DNAH6: variants seen among roughly 807,000 people sequenced by gnomAD.
DNAH6 encodes the protein axonemal beta dynein heavy chain 6.
In DNAH6, 340 loss-of-function variants were observed where a neutral mutation model predicts 491.4. That is an observed-to-expected ratio of 0.69 (90% CI 0.63 to 0.76). DNAH6 has a LOEUF of 0.76. Ranked by LOEUF, DNAH6 falls within the 30% of genes least tolerant of loss-of-function variation. DNAH6 has a pLI of 0.00. For synonymous variants in DNAH6, 1,603 were observed against 1,686.1 expected, an observed-to-expected ratio of 0.95 and a Z score of 1.21; for missense variants, 4,443 against 4,972.2, an observed-to-expected ratio of 0.89 and a Z score of 3.20.
At chr2:84,661,011 T>G (rs1181124783) in intron 37 of DNAH6, among the ~76,000 whole-genome samples, 7 of 152,138 alleles carry the variant, frequency 4.6e-5, no homozygotes, top group African/African-American at 1.7e-4. Flanking sequence ...GAATATAGAA[T>G]GTAAATTAAA....
rs111327338 is a variant in DNAH6, at chr2:84,694,827, C to T, written c.7524+347C>T. Among the ~76,000 whole-genome samples the T allele has an allele frequency of 4.4e-3, 669 of 152,200 alleles. 4 individuals are homozygous for T. Among genetic ancestry groups the T allele is most frequent in the Non-Finnish European group, 8.1e-3 (550 of 67,992 alleles). Reference sequence around the variant, plus strand: ...AATTAGGGAAACATGACTTTACCTACAGAAAGGAAAAAGTAAGGGCTATCT... The same window carrying T: ...AATTAGGGAAACATGACTTTACCTATAGAAAGGAAAAAGTAAGGGCTATCT... On this transcript the variant is annotated intron_variant, in intron 46 of 76. Transcript: ENST00000389394.
chr2:84,694,587 T>C, intron 46 of DNAH6, 107 bp downstream of exon 46: 2 of 728,782 alleles, frequency 2.7e-6, no homozygotes, highest in East Asian at 2.8e-5. Flanking sequence ...GATTGTTCCC[T>C]TTGATAACAG....
rs369071494 is a variant in DNAH6 at position 84,562,754 on chromosome 2, G to C, written c.1803+4819G>C. On this transcript the variant is annotated intron_variant, in intron 11 of 76. Transcript: ENST00000389394. ...GAGGCACTTAATTCCTCCAGCAGTG[G>C]ATTTTGACAACACAAGTGAAATATC... 6.6e-5 allele frequency among the ~76,000 whole-genome samples: 10 copies of C among 152,286 alleles called. No homozygotes were observed. In the East Asian group the frequency reaches 1.4e-3, roughly 21 times the overall value.
intron 70 of DNAH6, among the ~76,000 whole-genome samples, chr2:84,804,457 C>T (rs778429551): frequency 6.6e-6 from 1 of 151,886 alleles, no homozygotes; most frequent in Non-Finnish European, 1.5e-5. Flanking sequence ...CACATATATA[C>T]AGAAAGTGTC....
At chr2:84,779,103 A>T (rs1676427502) in intron 64 of DNAH6, among the ~76,000 whole-genome samples, 1 of 152,176 alleles carries the variant, frequency 6.6e-6, no homozygotes, top group Non-Finnish European at 1.5e-5. Context: ...GATGAAAAAA[A>T]TGTATATTCT....
chr2:84,609,004 A>C (rs560335457), intron 21 of DNAH6, among the ~76,000 whole-genome samples: 1 of 152,304 alleles, frequency 6.6e-6, no homozygotes, highest in African/African-American at 2.4e-5. Context: ...TTTATGTTAC[A>C]GTGATAGCTT....
At chr2:84,518,110 T>C (rs1015981979) in intron 2 of DNAH6, 59 bp downstream of exon 2, 4 of 1,344,148 alleles carry the variant, frequency 3.0e-6, no homozygotes, top group Non-Finnish European at 4.0e-6. Flanking sequence ...GTAAAATTGC[T>C]TTGGAGGATA....
At chr2:84,719,038 A>G (rs1381395577) in intron 59 of DNAH6, among the ~76,000 whole-genome samples, 1 of 152,256 alleles carries the variant, frequency 6.6e-6, no homozygotes, top group Non-Finnish European at 1.5e-5. Flanking sequence ...ACTAAGAACA[A>G]ATGATTTTCA....
At chr2:84,763,311 A>G (rs1035103694) in intron 64 of DNAH6, among the ~76,000 whole-genome samples, 2 of 152,104 alleles carry the variant, frequency 1.3e-5, no homozygotes, top group Non-Finnish European at 2.9e-5. Flanking sequence ...TCTATTATTA[A>G]TCTCTTCTTT....
At chr2:84,615,796 G>A (rs1337670846) in intron 22 of DNAH6, among the ~76,000 whole-genome samples, 1 of 150,992 alleles carries the variant, frequency 6.6e-6, no homozygotes. Flanking sequence ...TGCAGCTATT[G>A]TATTTTCTTG....
intron 62 of DNAH6, among the ~76,000 whole-genome samples, chr2:84,739,490 T>G (rs1224750125): frequency 2.0e-5 from 3 of 152,232 alleles, no homozygotes; most frequent in Admixed American, 6.5e-5. Flanking sequence ...TGCCAGTAAG[T>G]CATAGGTTTG....
chr2:84,640,357 CTA>C, intron 31 of DNAH6, 71 bp from the exon 32 acceptor site: 1 of 912,546 alleles, frequency 1.1e-6, no homozygotes, highest in Non-Finnish European at 1.6e-6. Flanking sequence ...TCAATTTTGA[CTA>C]TGTTGGTATC....
chr2:84,811,590 G>A (rs1308302632), intron 72 of DNAH6, among the ~76,000 whole-genome samples: 1 of 152,174 alleles, frequency 6.6e-6, no homozygotes, highest in Non-Finnish European at 1.5e-5. Flanking sequence ...GCCGGGCACG[G>A]TGGCTCACAC....
intron 39 of DNAH6, among the ~76,000 whole-genome samples, chr2:84,670,678 T>G (rs890052039): frequency 6.6e-6 from 1 of 152,224 alleles, no homozygotes; most frequent in Non-Finnish European, 1.5e-5. Context: ...TGTCATCACC[T>G]TCAACTCAGA....
At chr2:84,687,320 G>T in intron 44 of DNAH6, among the ~76,000 whole-genome samples, 1 of 152,084 alleles carries the variant, frequency 6.6e-6, no homozygotes, top group East Asian at 1.9e-4. Context: ...CTCCAAGAGG[G>T]CAGAGACCAT....
At chr2:84,463,237 G>A in the DNAH6 span, among the ~76,000 whole-genome samples, 1 of 152,186 alleles carries the variant, frequency 6.6e-6, no homozygotes, top group Non-Finnish European at 1.5e-5. Flanking sequence ...GAAGGGAGGA[G>A]GAGTAAAAGA....
chr2:84,585,725 G>T (rs1380276800), intron 15 of DNAH6, among the ~76,000 whole-genome samples: 2 of 152,120 alleles, frequency 1.3e-5, no homozygotes, highest in East Asian at 1.9e-4. Flanking sequence ...CGACATCTCT[G>T]CAGGTCTCTG....
At chr2:84,646,856 T>A (rs1356668788) in intron 33 of DNAH6, among the ~76,000 whole-genome samples, 1 of 152,092 alleles carries the variant, frequency 6.6e-6, no homozygotes, top group Non-Finnish European at 1.5e-5. Context: ...CATTTTTTTG[T>A]TTGTTTGCTT....
At chr2:84,804,400 GAATT>G (rs1430423924) in intron 70 of DNAH6, among the ~76,000 whole-genome samples, 1 of 151,904 alleles carries the variant, frequency 6.6e-6, no homozygotes, top group Non-Finnish European at 1.5e-5. Flanking sequence ...TATTGAAAAT[GAATT>G]AATATTACAT....
Sources: gnomAD v4.1 joint callset for allele counts (sites outside exome capture counted in the v4.1 genomes callset) on GRCh38, gnomAD v4.1.1 for gene constraint, MANE v1.5 for transcripts, NCBI Gene and HGNC (gene_info 2026-07-23, HGNC 2026-07-21) for gene names.